Variants in FREM2 observed in about 807,000 individuals in gnomAD.
FREM2 encodes FRAS1 related extracellular matrix 2.
Under a neutral mutation model 219.9 loss-of-function variants are expected in FREM2, and 119 were observed. That is an observed-to-expected ratio of 0.54 (90% CI 0.47 to 0.63). The LOEUF is 0.63. Ranked by LOEUF, FREM2 falls within the 30% of genes least tolerant of loss-of-function variation. The probability of loss-of-function intolerance (pLI) is 0.00; values close to 1 mark genes in which losing one functional copy is unlikely to be tolerated. For synonymous variants in FREM2, 1,562 were observed against 1,522.8 expected, an observed-to-expected ratio of 1.03 and a Z score of -0.60; for missense variants, 4,030 against 3,993.6, an observed-to-expected ratio of 1.01 and a Z score of -0.25.
intron 4 of FREM2, among the ~76,000 whole-genome samples, chr13:38,773,413 C>T (rs1396204916): frequency 6.6e-6 from 1 of 151,444 alleles, no homozygotes; most frequent in South Asian, 2.1e-4. Flanking sequence ...TTTTTCGAGA[C>T]GGTATCTCAC....
chr13:38,881,869 G>A lies in FREM2; in HGVS notation c.*1082G>A, dbSNP rs1185254511. The A allele has an allele frequency of 6.6e-6, 1 of 152,080 alleles. No homozygotes were observed. Among genetic ancestry groups the A allele is most frequent in the Admixed American group, 6.6e-5 (1 of 15,266 alleles). 9.4% of individuals were successfully genotyped at this position (152,080 alleles called of 1,614,324 possible). The stretch of plus-strand genomic sequence containing the variant: ...CACAATAACATTTAGAACTTAAATT[G>A]GCTACAGGACATTTTATTAGCTTTC... On this transcript the variant is annotated 3_prime_UTR_variant, in exon 24 of 24. Transcript: ENST00000280481.
In FREM2 at chr13:38,846,616, G is replaced by C. The variant is rs762961621; in HGVS notation, c.6063G>C (p.Glu2021Asp). ...YFGDVEYSVD[E>D]SAGYVEVQVW... ...GTGATGTGGAATACTCTGTGGATGA[G>C]AGTGCTGGCTATGTGGAAGTGCAGG... Residue 2021 changes from glutamate to aspartate, a missense_variant, in exon 7 of 24, where the codon GAG (glutamate) becomes GAC (aspartate). Coordinates refer to ENST00000280481, the MANE Select transcript of FREM2 (RefSeq NM_207361.6). The C allele has an allele frequency of 1.9e-6, 3 of 1,613,776 alleles. No individual in the cohort carries two copies. The highest frequency in any genetic ancestry group is 2.5e-6 in the Non-Finnish European group (3 of 1,179,800).
intron 6 of FREM2, among the ~76,000 whole-genome samples, chr13:38,795,851 T>C (rs2137843855): frequency 6.6e-6 from 1 of 152,318 alleles, no homozygotes; most frequent in East Asian, 1.9e-4. Context: ...AGTATCTGTC[T>C]TTCCATGCCT....
At position 38,877,121 on chromosome 13, in the gene FREM2, G is replaced by A; in HGVS notation, c.8549G>A (p.Ser2850Asn). 1 of 1,614,136 alleles carries A rather than the reference G, an allele frequency of 6.2e-7. No homozygotes were observed. Among genetic ancestry groups the A allele is most frequent in the Non-Finnish European group, 8.5e-7 (1 of 1,179,976 alleles). Reference sequence around the variant, plus strand: ...AACTTTTACCTTTGGTTTTAGGTCAGTGATCCAGTGGCTGCTGAGTTTAGC... The same window carrying A: ...AACTTTTACCTTTGGTTTTAGGTCAATGATCCAGTGGCTGCTGAGTTTAGC... The part of the protein sequence containing the change: ...FDLDIRFQQV[S>N]DPVAAEFSLN... Residue 2850 changes from serine (S) to asparagine (N), a missense_variant, in exon 21 of 24, where the codon AGT becomes AAT. Physicochemically the swap from Ser to Asn is conservative, Grantham distance 46 (BLOSUM62 1). This residue lies in a region of FREM2 where 928 missense variants were observed against 1,042.9 expected (regional missense o/e 0.89). Coordinates refer to ENST00000280481, the MANE Select transcript of FREM2 (RefSeq NM_207361.6).
intron 4 of FREM2, among the ~76,000 whole-genome samples, chr13:38,774,020 A>G (rs1873775705): frequency 6.6e-6 from 1 of 151,264 alleles, no homozygotes; most frequent in Admixed American, 6.6e-5. Flanking sequence ...TCAAATATAT[A>G]TATTGTTTCC....
intron 6 of FREM2, among the ~76,000 whole-genome samples, chr13:38,838,311 A>G (rs1308948010): frequency 6.6e-6 from 1 of 152,076 alleles, no homozygotes; most frequent in Non-Finnish European, 1.5e-5. Context: ...GGCTTGTAGC[A>G]TTTCTGCCGA....
intron 2 of FREM2, among the ~76,000 whole-genome samples, chr13:38,705,599 C>T (rs1870507212): frequency 6.6e-6 from 1 of 152,084 alleles, no homozygotes; most frequent in African/African-American, 2.4e-5. Flanking sequence ...ACTTCCTCAG[C>T]CTCAGTTTCA....
intron 2 of FREM2, among the ~76,000 whole-genome samples, chr13:38,727,618 G>C (rs1871584855): frequency 6.6e-6 from 1 of 152,204 alleles, no homozygotes; most frequent in African/African-American, 2.4e-5. Flanking sequence ...ATTTTATTGA[G>C]TGCCTGGCAT....
At chr13:38,846,119 A>G (rs1877144122) in intron 6 of FREM2, among the ~76,000 whole-genome samples, 1 of 152,048 alleles carries the variant, frequency 6.6e-6, no homozygotes, top group Admixed American at 6.6e-5. Flanking sequence ...ATAAGCCCAA[A>G]TCTAATGGAC....
At position 38,864,370 on chromosome 13, in the gene FREM2, C is replaced by T; in HGVS notation, c.7747C>T (p.Leu2583Phe). The T allele has an allele frequency of 6.2e-7, 1 of 1,614,140 alleles. No individual in the cohort carries two copies. The highest frequency in any genetic ancestry group is 8.5e-7 in the Non-Finnish European group (1 of 1,179,984). Residue 2583 changes from leucine (L) to phenylalanine (F), a missense_variant, in exon 16 of 24, where the codon CTC (leucine) becomes TTC (phenylalanine). Leu to Phe is a conservative substitution (Grantham distance 22). This residue lies in a region of FREM2 where 928 missense variants were observed against 1,042.9 expected (regional missense o/e 0.89). Transcript: ENST00000280481. ...AGTTGGAAACCACAAGTGCTCCAAC[C>T]TCCTGGATTATACTGAAGTGAAGAC... is the stretch of plus-strand genomic sequence containing the variant. ...TRVGNHKCSN[L>F]LDYTEVKTHY... is the part of the protein sequence containing the mutation.
At chr13:38,696,689 T>C (rs1197047104) in intron 1 of FREM2, among the ~76,000 whole-genome samples, 1 of 152,204 alleles carries the variant, frequency 6.6e-6, no homozygotes, top group African/African-American at 2.4e-5. Context: ...GATGAATAAG[T>C]TTTAAAAATT....
rs1593343583 is a variant in FREM2 at position 38,690,531 on chromosome 13, G to A, written c.3187G>A (p.Asp1063Asn). 1 of 1,614,092 alleles carries A rather than the reference G, an allele frequency of 6.2e-7. No homozygotes were observed. Among genetic ancestry groups the A allele is most frequent in the Non-Finnish European group, 8.5e-7 (1 of 1,179,940 alleles). ...VTIWVTILPVDSQAPEIFVGE... is the reference protein window; with the variant it reads ...VTIWVTILPVNSQAPEIFVGE... ...TATATGGGTGACCATCCTGCCTGTT[G>A]ATAGCCAGGCCCCAGAAATCTTTGT... Residue 1063 changes from aspartate (D) to asparagine (N), a missense_variant, in exon 1 of 24, where the codon GAT becomes AAT. This residue lies in a region of FREM2 where 3,102 missense variants were observed against 2,950.7 expected (regional missense o/e 1.05). Transcript: ENST00000280481.
rs1401311035 is a variant in FREM2, at chr13:38,734,148, C to A, written c.5264-30156C>A. On this transcript the variant is annotated intron_variant, in intron 2 of 23. Coordinates refer to ENST00000280481, the MANE Select transcript of FREM2 (RefSeq NM_207361.6). ...GTAAAATGAACCAGTCTTAAAGAGG[C>A]TTTGATTTGCACACACACAAAAAAA... Among the ~76,000 whole-genome samples, 4 of 151,454 alleles carry A rather than the reference C, an allele frequency of 2.6e-5. No homozygotes were observed. In the East Asian group the frequency reaches 7.8e-4, roughly 29 times the overall value.
intron 2 of FREM2, among the ~76,000 whole-genome samples, chr13:38,716,186 T>G (rs1340944814): frequency 6.6e-6 from 1 of 152,196 alleles, no homozygotes; most frequent in African/African-American, 2.4e-5. Context: ...ATTTAGAAGC[T>G]TTCTTTTCTC....
At chr13:38,702,465 G>A (rs753995159) in intron 2 of FREM2, among the ~76,000 whole-genome samples, 1 of 152,158 alleles carries the variant, frequency 6.6e-6, no homozygotes. Context: ...CATTAGGACA[G>A]GTGGAGAAGT....
At chr13:38,803,559 C>T (rs952116117) in intron 6 of FREM2, among the ~76,000 whole-genome samples, 5 of 151,786 alleles carry the variant, frequency 3.3e-5, no homozygotes, top group Non-Finnish European at 1.5e-5. Context: ...CAATTTAATA[C>T]GCAGTATTGT....
At chr13:38,787,210 G>A (rs1290082538) in intron 6 of FREM2, among the ~76,000 whole-genome samples, 2 of 152,100 alleles carry the variant, frequency 1.3e-5, no homozygotes, top group Non-Finnish European at 2.9e-5. Flanking sequence ...GCAGACATTA[G>A]ACCAGCAGTT....
Position 38,691,088 on chromosome 13 carries a change from G to A in FREM2, c.3744G>A (p.Leu1248=). 1 of 1,614,032 alleles carries A rather than the reference G, an allele frequency of 6.2e-7. No individual in the cohort carries two copies. Among genetic ancestry groups the A allele is most frequent in the Non-Finnish European group, 8.5e-7 (1 of 1,180,026 alleles). ...ATCAGCTGATAAATGGCACGGTTTT[G>A]GTCGAAAGCTTCACCTTGGATCAGA... ...IMNQLINGTV[L]VESFTLDQII... Residue 1248 remains leucine (L), a synonymous_variant, in exon 1 of 24, where the codon TTG becomes TTA. Transcript: ENST00000280481.
intron 16 of FREM2, among the ~76,000 whole-genome samples, chr13:38,871,864 CAGA>C (rs1427345448): frequency 6.6e-6 from 1 of 152,002 alleles, no homozygotes; most frequent in African/African-American, 2.4e-5. Context: ...TGCTAAACAC[CAGA>C]AGGAGGAAAG....
Sources: allele counts gnomAD v4.1 joint callset (sites outside exome capture counted in the v4.1 genomes callset), GRCh38; gene constraint gnomAD v4.1.1; regional missense constraint gnomAD v4.1.1; transcripts MANE v1.5; gene names NCBI Gene and HGNC (gene_info 2026-07-23, HGNC 2026-07-21).